NEBL: variants seen among roughly 807,000 people sequenced by gnomAD.
NEBL encodes LIM and SH3 protein 2.
NEBL carries 122 observed loss-of-function variants against 140.2 expected under a neutral mutation model. The observed-to-expected ratio is 0.87, with a 90% CI of 0.75 to 1.01. The LOEUF (loss-of-function observed/expected upper bound fraction) is 1.01, where lower values mean the gene tolerates loss of function less well. NEBL is among the 50% of genes least tolerant of loss of function. The pLI is 0.00. For synonymous variants in NEBL, 436 were observed against 398.9 expected (o/e 1.09, Z -1.11); for missense variants, 1,365 against 1,231.3 (o/e 1.11, Z -1.62).
At chr10:20,972,478 C>T (rs1467132327) in intron 3 of NEBL, among the ~76,000 whole-genome samples, 1 of 152,200 alleles carries the variant, frequency 6.6e-6, no homozygotes, top group African/African-American at 2.4e-5. Flanking sequence ...GGTGCAGTGG[C>T]TCATGCCTGT....
chr10:21,282,842 A>G (rs983036629), intron 1 of NEBL, among the ~76,000 whole-genome samples: 1 of 152,134 alleles, frequency 6.6e-6, no homozygotes, highest in Non-Finnish European at 1.5e-5. Context: ...AGGTTGCAAT[A>G]GGCAGGGCGC....
chr10:21,226,962 AT>A (rs895791209), intron 3 of NEBL, among the ~76,000 whole-genome samples: 1 of 150,638 alleles, frequency 6.6e-6, no homozygotes, highest in Non-Finnish European at 1.5e-5. Flanking sequence ...CCCCACTACT[AT>A]TTTTTTTTAA....
At chr10:21,265,628 G>A (rs11595146) in intron 1 of NEBL, among the ~76,000 whole-genome samples, 12,266 of 152,212 alleles carry the variant, frequency 0.081, 548 homozygotes, top group South Asian at 0.12. Flanking sequence ...CCAATAGTGC[G>A]TTATCAAAGT....
chr10:20,832,082 CT>C (rs1384460427), intron 14 of NEBL, among the ~76,000 whole-genome samples: 1 of 152,150 alleles, frequency 6.6e-6, no homozygotes, highest in Non-Finnish European at 1.5e-5. Flanking sequence ...AATCTCTGGA[CT>C]TAGCTGGGCT....
intron 2 of NEBL, among the ~76,000 whole-genome samples, chr10:21,060,315 A>G (rs2131875939): frequency 6.6e-6 from 1 of 152,216 alleles, no homozygotes; most frequent in Admixed American, 6.5e-5. Flanking sequence ...ATCAACATTC[A>G]AAACAAAAGA....
At chr10:20,992,665 T>G (rs1046989058) in intron 3 of NEBL, among the ~76,000 whole-genome samples, 4 of 151,912 alleles carry the variant, frequency 2.6e-5, no homozygotes, top group African/African-American at 9.7e-5. Context: ...ACCCTCGCCT[T>G]GAGCTGCCTT....
intron 2 of NEBL, among the ~76,000 whole-genome samples, chr10:21,088,904 C>A (rs1013919606): frequency 4.6e-5 from 7 of 152,146 alleles, no homozygotes; most frequent in Admixed American, 4.6e-4. Flanking sequence ...GAAGAACTGC[C>A]CTCTGCCGTG....
chr10:20,844,127 A>G (rs1841671142), intron 12 of NEBL, among the ~76,000 whole-genome samples: 1 of 152,172 alleles, frequency 6.6e-6, no homozygotes, highest in African/African-American at 2.4e-5. Context: ...ATTTCAGCAC[A>G]TTACATATTA....
chr10:21,282,458 G>A (rs754236673), intron 1 of NEBL, among the ~76,000 whole-genome samples: 1 of 152,110 alleles, frequency 6.6e-6, no homozygotes, highest in Non-Finnish European at 1.5e-5. Context: ...GAGCTCCCAG[G>A]AAGGACGAAG....
chr10:20,982,291 G>A (rs1331404066), intron 3 of NEBL, among the ~76,000 whole-genome samples: 2 of 152,148 alleles, frequency 1.3e-5, no homozygotes, highest in African/African-American at 2.4e-5. Context: ...CCAAACTACT[G>A]CATGTAAGTC....
At chr10:21,043,640 T>G (rs1304148941) in intron 2 of NEBL, among the ~76,000 whole-genome samples, 1 of 152,182 alleles carries the variant, frequency 6.6e-6, no homozygotes, top group South Asian at 2.1e-4. Flanking sequence ...GGGAATATTT[T>G]AATATCATCA....
chr10:21,224,338 T>C (rs1348879001), intron 3 of NEBL, among the ~76,000 whole-genome samples: 3 of 152,180 alleles, frequency 2.0e-5, no homozygotes, highest in African/African-American at 7.2e-5. Flanking sequence ...ATATGAATTA[T>C]TTTCTGGGTT....
intron 4 of NEBL, among the ~76,000 whole-genome samples, chr10:20,920,367 C>G (rs1057463906): frequency 6.6e-6 from 1 of 152,138 alleles, no homozygotes; most frequent in Non-Finnish European, 1.5e-5. Flanking sequence ...ACAATACTAG[C>G]AATAGCAAAA....
At chr10:21,059,847 T>C (rs1191202968) in intron 2 of NEBL, among the ~76,000 whole-genome samples, 1 of 152,190 alleles carries the variant, frequency 6.6e-6, no homozygotes, top group East Asian at 1.9e-4. Context: ...CTCCAATTTA[T>C]GAGGAACAAA....
chr10:20,968,973 C>T (rs577132045), intron 3 of NEBL, among the ~76,000 whole-genome samples: 1 of 152,268 alleles, frequency 6.6e-6, no homozygotes, highest in Non-Finnish European at 1.5e-5. Flanking sequence ...AAAATGTAGA[C>T]CACATGCTTC....
intron 2 of NEBL, among the ~76,000 whole-genome samples, chr10:21,153,228 A>C (rs955778978): frequency 1.6e-4 from 25 of 152,226 alleles, no homozygotes; most frequent in African/African-American, 5.8e-4. Flanking sequence ...GGAGAGATGA[A>C]GTGATTCCCC....
chr10:21,223,060 GCT>G (rs1266472579), intron 3 of NEBL, among the ~76,000 whole-genome samples: 14 of 152,178 alleles, frequency 9.2e-5, no homozygotes, highest in African/African-American at 2.9e-4. Context: ...ATCGCGCCTG[GCT>G]CTTTTAGTTA....
rs139909124 is a variant in NEBL, at chr10:20,825,778, G to A, written c.1869+669C>T. ...ACTCAATGGAAAAAACAATTTATCC[G>A]TAATATTAAGCACCTTAATGTTAGA... is the stretch of plus-strand genomic sequence containing the variant. On this transcript the variant is annotated intron_variant, in intron 18 of 27. Transcript: ENST00000377122. Among the ~76,000 whole-genome samples the A allele has an allele frequency of 7.2e-3, 1,089 of 152,148 alleles. 12 individuals carry two copies. Among genetic ancestry groups the A allele is most frequent in the African/African-American group, 0.025 (1,026 of 41,496 alleles).
In NEBL at chr10:21,084,595, C is replaced by G. The variant is rs118002542; in HGVS notation, c.165-64394G>C. 5.2e-3 allele frequency among the ~76,000 whole-genome samples: 769 copies of G among 149,068 alleles called. 7 individuals are homozygous for G. Among genetic ancestry groups the G allele is most frequent in the Middle Eastern group, 0.01 (3 of 292 alleles). On this transcript the variant is annotated intron_variant, in intron 2 of 6. Coordinates refer to the NEBL transcript ENST00000417816. Reference sequence around the variant, plus strand: ...CTGGGTGACGGAGCAAGACTCTGTCCCAAAAAAAAAATAAAAAAATAAAAA... The same window carrying G: ...CTGGGTGACGGAGCAAGACTCTGTCGCAAAAAAAAAATAAAAAAATAAAAA...
Sources: allele counts gnomAD v4.1 joint callset (sites outside exome capture counted in the v4.1 genomes callset), GRCh38; gene constraint gnomAD v4.1.1; transcripts MANE v1.5; gene names NCBI Gene and HGNC (gene_info 2026-07-23, HGNC 2026-07-21).